Variants in ASB2 observed in about 807,000 individuals in gnomAD.
The protein encoded by ASB2 is ankyrin repeat and SOCS box protein 2.
ASB2 carries 58 observed loss-of-function variants against 62.4 expected under a neutral mutation model. That is an observed-to-expected ratio of 0.93 (90% CI 0.75 to 1.16). The LOEUF (loss-of-function observed/expected upper bound fraction) is 1.16. ASB2 is among the 50% of genes most tolerant of loss of function. The pLI, the probability that ASB2 is intolerant of heterozygous loss-of-function variation, is 0.00. For missense variants in ASB2, 928 were observed against 887.9 expected (o/e 1.05, Z -0.57); for synonymous variants, 386 against 385.3 (o/e 1.00, Z -0.02).
chr14:93,975,829 A>G (rs1320371388), intron 1 of ASB2, among the ~76,000 whole-genome samples: 1 of 152,228 alleles, frequency 6.6e-6, no homozygotes, highest in Admixed American at 6.5e-5. Flanking sequence ...TAAATGTGTC[A>G]TGCATATGCG....
chr14:93,938,996 C>G, intron 8 of ASB2, 112 bp downstream of exon 8: 2 of 976,082 alleles, frequency 2.0e-6, no homozygotes, highest in African/African-American at 1.7e-5. Flanking sequence ...CACTAGTCCA[C>G]GCTGCTCCCA....
At chr14:93,956,422 G>A (rs1014768313) in intron 3 of ASB2, among the ~76,000 whole-genome samples, 1 of 152,286 alleles carries the variant, frequency 6.6e-6, no homozygotes, top group South Asian at 2.1e-4. Context: ...GGGCCTCTGG[G>A]GTTCTAAGGC....
chr14:93,965,593 T>C (rs1889564296), intron 1 of ASB2, among the ~76,000 whole-genome samples: 1 of 152,260 alleles, frequency 6.6e-6, no homozygotes. Flanking sequence ...ATTTTCATTC[T>C]GGCTGGCTGA....
chr14:93,939,906 G>A (rs1291990143), intron 7 of ASB2: 1 of 438,778 alleles, frequency 2.3e-6, no homozygotes, highest in South Asian at 5.8e-5. Context: ...AGCTCAGAGA[G>A]CTTCAGCCAC....
chr14:93,947,607 G>C, intron 6 of ASB2, 87 bp from the exon 7 acceptor site: 2 of 1,388,076 alleles, frequency 1.4e-6, no homozygotes, highest in Non-Finnish European at 2.0e-6. Flanking sequence ...TGGGCCTGCT[G>C]TGCTAACCAC....
At chr14:93,954,258 G>C (rs1253006278) in intron 4 of ASB2, 59 bp downstream of exon 4, 2 of 1,357,930 alleles carry the variant, frequency 1.5e-6, no homozygotes, top group African/African-American at 2.8e-5. Context: ...CCCCAGGAGC[G>C]GCAGCCCTTC....
intron 7 of ASB2, chr14:93,942,101 A>G (rs1302661717): frequency 8.9e-6 from 4 of 449,176 alleles, no homozygotes; most frequent in African/African-American, 6.0e-5. Flanking sequence ...CCCACTGCAC[A>G]TCATCACTCC....
chr14:93,939,013 G>T (rs1888386698), intron 8 of ASB2, 95 bp downstream of exon 8: 5 of 1,152,540 alleles, frequency 4.3e-6, no homozygotes, highest in South Asian at 1.8e-5. Flanking sequence ...CCCAAGGAGC[G>T]CGAACCACCC....
intron 7 of ASB2, chr14:93,944,144 G>T (rs747459958): frequency 1.8e-5 from 7 of 378,826 alleles, no homozygotes; most frequent in Non-Finnish European, 3.1e-5. Flanking sequence ...GCGCCATCTC[G>T]TCAGGTGGGG....
At position 93,954,496 on chromosome 14, in the gene ASB2, G is replaced by A; in HGVS notation, c.312-13C>T. 1.9e-6 allele frequency: 3 copies of A among 1,613,756 alleles called. No individual in the cohort carries two copies. Among genetic ancestry groups the A allele is most frequent in the Non-Finnish European group, 2.5e-6 (3 of 1,179,756 alleles). On this transcript the variant is annotated splice_polypyrimidine_tract_variant and intron_variant, in intron 3 of 9. Coordinates refer to ENST00000555019, the MANE Select transcript of ASB2 (RefSeq NM_001202429.2). ...GGGGTCCGCAGGCCTGTGAGAGGAA[G>A]GAGTGGGTCAGTCCTCAAGGTCAGG...
chr14:93,954,593 G>C (rs1250216943), intron 3 of ASB2, 110 bp from the exon 4 acceptor site: 1 of 968,116 alleles, frequency 1.0e-6, no homozygotes. Context: ...GTCCCTGCTG[G>C]TTCCAGGATG....
chr14:93,934,790 G>T lies in ASB2; in HGVS notation c.1774C>A (p.Pro592Thr). The stretch of plus-strand genomic sequence containing the variant: ...CAAAGGTGAGCCAGAGGTCTTGGAG[G>T]TTCTGAAAAAAGGAGGGAAAGACAG... ...DWAVIKEKAE[P>T]PRPLAHLCRL... is the part of the protein sequence containing the mutation. Residue 592 changes from proline (P) to threonine (T), a missense_variant and splice_region_variant, in exon 10 of 10, where the codon CCT (proline) becomes ACT (threonine). Pro to Thr is a conservative substitution (Grantham distance 38). Coordinates refer to ENST00000555019, the MANE Select transcript of ASB2 (RefSeq NM_001202429.2). 6.2e-7 allele frequency: 1 copy of T among 1,612,700 alleles called. No individual in the cohort carries two copies. The highest frequency in any genetic ancestry group is 1.7e-5 in the Admixed American group (1 of 59,956).
chr14:93,970,643 T>C (rs1889731973), intron 1 of ASB2, among the ~76,000 whole-genome samples: 1 of 152,104 alleles, frequency 6.6e-6, no homozygotes, highest in Non-Finnish European at 1.5e-5. Context: ...GACGGGTGAA[T>C]GAACGATAGG....
chr14:93,952,914 C>A (rs74075619), intron 5 of ASB2, among the ~76,000 whole-genome samples: 2,090 of 152,340 alleles, frequency 0.014, 44 homozygotes, highest in African/African-American at 0.045. Context: ...ACAAATGTCC[C>A]AGAGGTACAT....
intron 9 of ASB2, among the ~76,000 whole-genome samples, chr14:93,936,302 A>C (rs1242651388): frequency 6.6e-6 from 1 of 152,246 alleles, no homozygotes; most frequent in African/African-American, 2.4e-5. Context: ...GATTGGTTTT[A>C]CTGGCTAACA....
At chr14:93,954,172 C>T (rs1374031949) in intron 4 of ASB2, 145 bp downstream of exon 4, 1 of 702,846 alleles carries the variant, frequency 1.4e-6, no homozygotes, top group Non-Finnish European at 2.4e-6. Context: ...CTCGTAACTC[C>T]ATGACTAACT....
intron 2 of ASB2, among the ~76,000 whole-genome samples, chr14:93,962,295 T>C (rs1047390129): frequency 3.3e-5 from 5 of 151,926 alleles, no homozygotes; most frequent in African/African-American, 1.2e-4. Context: ...TTTGTATTTT[T>C]AGTAGAGACG....
At chr14:93,947,280 C>T in intron 7 of ASB2, 69 bp downstream of exon 7, 1 of 1,556,952 alleles carries the variant, frequency 6.4e-7, no homozygotes, top group South Asian at 1.1e-5. Flanking sequence ...CAGGCCCACC[C>T]CTCCAATCCC....
intron 1 of ASB2, among the ~76,000 whole-genome samples, chr14:93,965,888 C>T (rs1210232007): frequency 6.6e-6 from 1 of 152,266 alleles, no homozygotes; most frequent in Non-Finnish European, 1.5e-5. Context: ...AAGAGAAGAG[C>T]TTCCCACTGG....
Sources: gnomAD v4.1 joint callset for allele counts (sites outside exome capture counted in the v4.1 genomes callset) on GRCh38, gnomAD v4.1.1 for gene constraint, MANE v1.5 for transcripts, NCBI Gene and HGNC (gene_info 2026-07-23, HGNC 2026-07-21) for gene names.